The following LIMS3 variants were observed in gnomAD, a reference collection of about 807,000 sequenced individuals.
LIMS3 encodes the protein LIM and senescent cell antigen-like-containing domain protein 3.
intron 8 of LIMS3, among the ~76,000 whole-genome samples, chr2:109,924,057 A>G (rs1264334010): frequency 1.4e-5 from 1 of 72,646 alleles, no homozygotes; most frequent in Non-Finnish European, 2.6e-5. Flanking sequence ...AAAAAAAATT[A>G]GCCAGGTATA....
At chr2:109,918,190 T>C (rs1164316073) in intron 5 of LIMS3, among the ~76,000 whole-genome samples, 1 of 152,028 alleles carries the variant, frequency 6.6e-6, no homozygotes, top group Non-Finnish European at 1.5e-5. Flanking sequence ...ATAAAAAAAT[T>C]AGCCAGGCGT....
At chr2:109,914,179 AG>A (rs202042538) in intron 2 of LIMS3, among the ~76,000 whole-genome samples, 2,523 of 151,450 alleles carry the variant, frequency 0.017, 58 homozygotes, top group African/African-American at 0.058. Context: ...CAGTCCCTGT[AG>A]GTGTACTGTT....
intron 2 of LIMS3, among the ~76,000 whole-genome samples, chr2:109,912,760 AG>A (rs1241119558): frequency 6.7e-6 from 1 of 148,574 alleles, no homozygotes; most frequent in Non-Finnish European, 1.5e-5. Flanking sequence ...AAAAAGTGAA[AG>A]CTGGACATAG....
intron 5 of LIMS3, among the ~76,000 whole-genome samples, chr2:109,918,117 ATCATGAGG>A (rs1677049322): frequency 6.9e-6 from 1 of 144,494 alleles, no homozygotes; most frequent in African/African-American, 2.5e-5. Flanking sequence ...AGGCGGGTGG[ATCATGAGG>A]TCAGGAGATC....
At chr2:109,918,255 G>A (rs2918719) in intron 5 of LIMS3, among the ~76,000 whole-genome samples, 60 of 151,928 alleles carry the variant, frequency 3.9e-4, no homozygotes, top group Admixed American at 1.4e-3. Flanking sequence ...GGAGAATGGC[G>A]TGAACCTGGG....
At position 109,914,402 on chromosome 2, in the gene LIMS3, CT is replaced by C. The variant is rs1291545922; in HGVS notation, c.343-8del. 19 of 609,312 alleles carry C rather than the reference CT, an allele frequency of 3.1e-5. No individual in the cohort carries two copies. Among genetic ancestry groups the C allele is most frequent in the Non-Finnish European group, 4.7e-5 (16 of 343,686 alleles). The allele number at this position is 609,312 out of a possible 1,614,324, so 37.7% of individuals were successfully genotyped here. A position where few individuals can be genotyped will look rare whatever the true frequency, so the allele number is the denominator to read the frequency against. On this transcript the variant is annotated splice_region_variant and splice_polypyrimidine_tract_variant and intron_variant, in intron 2 of 9. Coordinates refer to ENST00000480744, the MANE Select transcript of LIMS3 (RefSeq NM_001394901.1). ...CGTGTCTGTAAGTTGGTGGTACCCT[CT>C]CTTTCAGTTTGAAGGAAGAAAGTAC...
At chr2:109,918,304 C>CTCCAGCCT in intron 5 of LIMS3, among the ~76,000 whole-genome samples, 1 of 146,774 alleles carries the variant, frequency 6.8e-6, no homozygotes, top group Non-Finnish European at 1.5e-5. Flanking sequence ...CGCCACTGCA[C>CTCCAGCCT]TCCAGCCTGG....
chr2:109,924,077 A>C, intron 8 of LIMS3, among the ~76,000 whole-genome samples: 1 of 57,584 alleles, frequency 1.7e-5, no homozygotes, highest in Non-Finnish European at 3.1e-5. Flanking sequence ...AGTGGCATGC[A>C]CTGTAGTCCC....
Position 109,914,491 on chromosome 2 carries a change from CTAAATGTCAAG to C in LIMS3, c.409+19_409+29del, listed in dbSNP as rs1411837954. The stretch of plus-strand genomic sequence containing the variant: ...GTCATCAGTGTGGTAAGTTTTACTG[CTAAATGTCAAG>C]TAAAAAGTAAGTTTCCGGCCAGGCG... On this transcript the variant is annotated intron_variant, in intron 3 of 9. Transcript: ENST00000480744. 2.0e-4 allele frequency: 108 copies of C among 547,708 alleles called. No homozygotes were observed. The highest frequency in any genetic ancestry group is 1.4e-3 in the South Asian group (68 of 47,626). The allele number at this position is 547,708 out of a possible 1,614,324, so 33.9% of individuals were successfully genotyped here.
At chr2:109,918,336 CAAA>C (rs779481865) in intron 5 of LIMS3, among the ~76,000 whole-genome samples, 2 of 28,258 alleles carry the variant, frequency 7.1e-5, no homozygotes, top group African/African-American at 3.9e-4. Flanking sequence ...AGACTCGTCT[CAAA>C]AAAAAAAAAA....
intron 5 of LIMS3, among the ~76,000 whole-genome samples, chr2:109,918,352 AAAAG>A (rs1325146766): frequency 2.9e-5 from 1 of 34,724 alleles, no homozygotes. Flanking sequence ...AAAAAAAAAA[AAAAG>A]AAAGAAAGAA....
intron 8 of LIMS3, among the ~76,000 whole-genome samples, chr2:109,924,111 GA>G (rs1296058417): frequency 2.6e-5 from 1 of 39,172 alleles, no homozygotes; most frequent in African/African-American, 1.6e-4. Flanking sequence ...GCTGAGGTGG[GA>G]GGATCACTTG....
chr2:109,918,336 CAAAA>C (rs779481865), intron 5 of LIMS3, among the ~76,000 whole-genome samples: 3 of 28,258 alleles, frequency 1.1e-4, no homozygotes, highest in African/African-American at 2.0e-4. Flanking sequence ...AGACTCGTCT[CAAAA>C]AAAAAAAAAA....
chr2:109,924,065 A>G (rs1227114716), intron 8 of LIMS3, among the ~76,000 whole-genome samples: 4 of 67,230 alleles, frequency 5.9e-5, no homozygotes, highest in South Asian at 5.8e-4. Flanking sequence ...TTAGCCAGGT[A>G]TAGTGGCATG....
chr2:109,924,002 T>C (rs1574002855), intron 8 of LIMS3, among the ~76,000 whole-genome samples: 2 of 35,818 alleles, frequency 5.6e-5, no homozygotes, highest in Admixed American at 3.0e-4. Flanking sequence ...GCCACTGCAC[T>C]CCAGCCTGGC....
intron 8 of LIMS3, among the ~76,000 whole-genome samples, chr2:109,924,032 T>TA: frequency 1.7e-5 from 1 of 59,288 alleles, no homozygotes; most frequent in African/African-American, 9.1e-5. Context: ...AGACTCTGTC[T>TA]CAAAAAAAAA....
At chr2:109,913,181 TGAC>T (rs1677010634) in intron 2 of LIMS3, among the ~76,000 whole-genome samples, 1 of 91,688 alleles carries the variant, frequency 1.1e-5, no homozygotes, top group Non-Finnish European at 2.3e-5. Flanking sequence ...GAAATTGAGT[TGAC>T]AACTGATACA....
chr2:109,918,334 C>A, intron 5 of LIMS3, among the ~76,000 whole-genome samples: 1 of 55,944 alleles, frequency 1.8e-5, no homozygotes, highest in Non-Finnish European at 3.3e-5. Context: ...CAAGACTCGT[C>A]TCAAAAAAAA....
chr2:109,918,205 G>T (rs1677052127), intron 5 of LIMS3, among the ~76,000 whole-genome samples: 2 of 152,184 alleles, frequency 1.3e-5, no homozygotes, highest in South Asian at 4.2e-4. Flanking sequence ...AGGCGTGGTG[G>T]TGGGTGCCTG....
Sources: allele counts gnomAD v4.1 joint callset (sites outside exome capture counted in the v4.1 genomes callset), GRCh38; gene constraint gnomAD v4.1.1; transcripts MANE v1.5; gene names NCBI Gene and HGNC (gene_info 2026-07-23, HGNC 2026-07-21).